DCC: variants seen among roughly 807,000 people sequenced by gnomAD.
The protein encoded by DCC is netrin receptor DCC.
A neutral mutation model predicts 172.5 loss-of-function variants in DCC; 58 were observed. The ratio of observed to expected loss-of-function variants is 0.34; its 90% CI spans 0.27 to 0.42. DCC has a LOEUF of 0.42. Ranked by LOEUF, DCC falls within the 10% of genes least tolerant of loss-of-function variation. The pLI is 1.00. For synonymous variants in DCC, 709 were observed against 644.5 expected, an observed-to-expected ratio of 1.10 and a Z score of -1.52; for missense variants, 1,740 against 1,791.0, an observed-to-expected ratio of 0.97 and a Z score of 0.51.
intron 7 of DCC, among the ~76,000 whole-genome samples, chr18:53,143,392 G>C (rs754304618): frequency 3.3e-5 from 5 of 152,158 alleles, no homozygotes; most frequent in Admixed American, 2.6e-4. Context: ...TGCCCAGAAA[G>C]AGTTTAAGAA....
intron 1 of DCC, among the ~76,000 whole-genome samples, chr18:52,617,920 A>C (rs959328696): frequency 6.6e-6 from 1 of 152,196 alleles, no homozygotes; most frequent in Admixed American, 6.5e-5. Context: ...CATTTGAGCC[A>C]TGTCTATATA....
chr18:53,415,996 C>T, intron 20 of DCC, 128 bp from the exon 21 acceptor site: 1 of 725,486 alleles, frequency 1.4e-6, no homozygotes, highest in Non-Finnish European at 2.5e-6. Flanking sequence ...GGGTCCTTAT[C>T]AATTTTATTT....
intron 1 of DCC, among the ~76,000 whole-genome samples, chr18:52,401,881 A>G (rs1986453820): frequency 6.6e-6 from 1 of 152,010 alleles, no homozygotes; most frequent in African/African-American, 2.4e-5. Context: ...ATTCTCTACA[A>G]AAATGTAAAA....
chr18:52,985,684 A>G (rs1021701304), intron 5 of DCC, among the ~76,000 whole-genome samples: 26 of 151,678 alleles, frequency 1.7e-4, no homozygotes, highest in Non-Finnish European at 2.9e-5. Context: ...TTTTCCCTTA[A>G]AACCATTATT....
At chr18:52,583,209 CA>C (rs1247340271) in intron 1 of DCC, among the ~76,000 whole-genome samples, 3 of 152,120 alleles carry the variant, frequency 2.0e-5, no homozygotes, top group African/African-American at 7.2e-5. Context: ...TCAGTGCCTA[CA>C]AAAGCTAGCG....
chr18:52,909,327 C>A (rs1054648289), intron 3 of DCC, among the ~76,000 whole-genome samples: 2 of 152,000 alleles, frequency 1.3e-5, no homozygotes, highest in Admixed American at 6.6e-5. Context: ...AACATGGTAC[C>A]AGAATGGTTA....
chr18:52,528,071 T>C lies in DCC; in HGVS notation c.91+187193T>C, dbSNP rs1019205981. The stretch of plus-strand genomic sequence containing the variant: ...CAGCTAAATATGATATAGAATCTTG[T>C]TATGGACTTTATGTCTGAGGGCACA... On this transcript the variant is annotated intron_variant, in intron 1 of 28. Transcript: ENST00000442544. Among the ~76,000 whole-genome samples, 3 of 152,322 alleles carry C rather than the reference T, an allele frequency of 2.0e-5. No individual in the cohort carries two copies. The South Asian group carries it at 6.2e-4, about 32-fold the overall frequency.
chr18:53,018,377 T>C (rs2041836567), intron 5 of DCC, among the ~76,000 whole-genome samples: 1 of 152,224 alleles, frequency 6.6e-6, no homozygotes, highest in Non-Finnish European at 1.5e-5. Context: ...CCAAACTGGC[T>C]TTAAGGAAGA....
chr18:52,909,991 G>A (rs994298443), intron 3 of DCC, among the ~76,000 whole-genome samples: 3 of 152,114 alleles, frequency 2.0e-5, no homozygotes, highest in African/African-American at 7.2e-5. Context: ...AGCTTTTCAG[G>A]CGAACTGTAT....
At chr18:52,620,272 T>C (rs976842564) in intron 1 of DCC, among the ~76,000 whole-genome samples, 12 of 152,220 alleles carry the variant, frequency 7.9e-5, no homozygotes, top group Non-Finnish European at 4.4e-5. Flanking sequence ...ACAAAGCTTG[T>C]AGCTCCAACT....
Position 53,400,920 on chromosome 18 carries a change from A to G in DCC, c.2828-1866A>G, listed in dbSNP as rs184602746. ...TTTGAATTTTAACATAGTTAAGACA[A>G]AACAGGCTATTTTCACTAGTAAAAA... On this transcript the variant is annotated intron_variant, in intron 18 of 28. Coordinates refer to ENST00000442544, the MANE Select transcript of DCC (RefSeq NM_005215.4). Among the ~76,000 whole-genome samples, 295 of 152,290 alleles carry G rather than the reference A, an allele frequency of 1.9e-3. 2 individuals carry two copies. Among genetic ancestry groups the G allele is most frequent in the African/African-American group, 6.7e-3 (278 of 41,578 alleles).
chr18:53,462,267 G>C (rs540763766), intron 24 of DCC, among the ~76,000 whole-genome samples: 9 of 152,018 alleles, frequency 5.9e-5, no homozygotes, highest in African/African-American at 2.2e-4. Context: ...GGTGAGCAAC[G>C]GGCAAAAGAG....
At chr18:52,913,024 A>T (rs2039992903) in intron 3 of DCC, among the ~76,000 whole-genome samples, 1 of 152,056 alleles carries the variant, frequency 6.6e-6, no homozygotes. Context: ...AATCACACCA[A>T]AAGAAGATAG....
chr18:53,129,800 T>C (rs2043624094), intron 7 of DCC, among the ~76,000 whole-genome samples: 1 of 152,186 alleles, frequency 6.6e-6, no homozygotes, highest in Admixed American at 6.6e-5. Flanking sequence ...GCTATGAACA[T>C]TCACAGACAG....
At chr18:52,696,329 A>G (rs1382895172) in intron 1 of DCC, among the ~76,000 whole-genome samples, 2 of 152,134 alleles carry the variant, frequency 1.3e-5, no homozygotes, top group Non-Finnish European at 2.9e-5. Context: ...TCATTTCTCC[A>G]TTTCAACCAA....
chr18:53,064,626 T>C (rs1279655643), intron 6 of DCC, among the ~76,000 whole-genome samples: 1 of 152,214 alleles, frequency 6.6e-6, no homozygotes, highest in East Asian at 1.9e-4. Flanking sequence ...ATAAAGGTTC[T>C]TAAGGAATAC....
rs149721636 is a variant in DCC, at chr18:52,639,927, A to G, written c.92-112127A>G. Among the ~76,000 whole-genome samples, 8 of 152,094 alleles carry G rather than the reference A, an allele frequency of 5.3e-5. No homozygotes were observed. The East Asian group carries it at 1.4e-3, about 26-fold the overall frequency. ...GCGTAACCAAAAAAGAAAACTACAG[A>G]CTGATATCCTTGATGCACATAGATG... On this transcript the variant is annotated intron_variant, in intron 1 of 28. Coordinates refer to ENST00000442544, the MANE Select transcript of DCC (RefSeq NM_005215.4).
intron 15 of DCC, among the ~76,000 whole-genome samples, chr18:53,353,422 T>TAAGC (rs1555657233): frequency 6.6e-6 from 1 of 152,064 alleles, no homozygotes; most frequent in Non-Finnish European, 1.5e-5. Flanking sequence ...AATAGATAAA[T>TAAGC]AAATATCCTT....
rs752326763 is a variant in DCC, at chr18:52,404,660, CTT to C, written c.91+63793_91+63794del. 6.0e-4 allele frequency among the ~76,000 whole-genome samples: 84 copies of C among 140,830 alleles called. 1 individual carries two copies. Among genetic ancestry groups the C allele is most frequent in the African/African-American group, 2.2e-3 (82 of 36,902 alleles). The allele number at this position is 140,830 out of a possible 152,430, so 92.4% of individuals were successfully genotyped here. A position where few individuals can be genotyped will look rare whatever the true frequency, so the allele number is the denominator to read the frequency against. On this transcript the variant is annotated intron_variant, in intron 1 of 28. Coordinates refer to ENST00000442544, the MANE Select transcript of DCC (RefSeq NM_005215.4). The stretch of plus-strand genomic sequence containing the variant: ...AGAATGGAGTTTTCTTTTTTGTTTT[CTT>C]TTTTTTTTTTAAATTATACTTTAAG...
Sources: allele counts gnomAD v4.1 joint callset (sites outside exome capture counted in the v4.1 genomes callset), GRCh38; gene constraint gnomAD v4.1.1; transcripts MANE v1.5; gene names NCBI Gene and HGNC (gene_info 2026-07-23, HGNC 2026-07-21).